GALNT13: variants seen among roughly 807,000 people sequenced by gnomAD.
The protein encoded by GALNT13 is polypeptide N-acetylgalactosaminyltransferase 13, also known as UDP-GalNAc:polypeptide N-acetylgalactosaminyltransferase 13.
In GALNT13, 28 loss-of-function variants were observed where a neutral mutation model predicts 64.2. That is an observed-to-expected ratio of 0.44 (90% CI 0.32 to 0.60). The LOEUF is 0.60. GALNT13 is among the 20% of genes least tolerant of loss of function. The pLI is 0.05. For synonymous variants in GALNT13, 214 were observed against 224.6 expected (o/e 0.95, Z 0.42); for missense variants, 577 against 669.8 (o/e 0.86, Z 1.53).
chr2:153,604,378 GTCTC>G, the GALNT13 span, among the ~76,000 whole-genome samples: 1 of 152,018 alleles, frequency 6.6e-6, no homozygotes, highest in African/African-American at 2.4e-5. Context: ...GCCAATCTCT[GTCTC>G]TCTGTCTCTG....
the GALNT13 span, chr2:153,370,983 G>A: frequency 3.9e-3 from 847 of 215,588 alleles, 7 homozygotes; most frequent in African/African-American, 0.018. Flanking sequence ...CCTTGATCAG[G>A]CCTGATGGAG....
At chr2:153,348,804 T>C in the GALNT13 span, among the ~76,000 whole-genome samples, 2 of 152,100 alleles carry the variant, frequency 1.3e-5, no homozygotes, top group African/African-American at 4.8e-5. Context: ...GCTAAAAGCA[T>C]TGGGATTTAA....
At chr2:153,835,978 T>A in the GALNT13 span, among the ~76,000 whole-genome samples, 1 of 152,024 alleles carries the variant, frequency 6.6e-6, no homozygotes, top group Non-Finnish European at 1.5e-5. Context: ...GAGTTTGCCT[T>A]AATGTGCTCT....
chr2:154,075,036 G>C (rs185430419), intron 3 of GALNT13, among the ~76,000 whole-genome samples: 30 of 151,892 alleles, frequency 2.0e-4, no homozygotes, highest in Admixed American at 4.6e-4. Context: ...CATAGTACTG[G>C]AGATCCTAGC....
At chr2:154,246,079 C>T in intron 7 of GALNT13, 97 bp downstream of exon 7, 1 of 752,624 alleles carries the variant, frequency 1.3e-6, no homozygotes, top group Non-Finnish European at 2.1e-6. Flanking sequence ...TTAATTGTAT[C>T]CTTATTATTC....
intron 5 of GALNT13, 63 bp downstream of exon 5, chr2:154,242,259 A>G (rs930783893): frequency 9.7e-6 from 14 of 1,445,944 alleles, no homozygotes; most frequent in Non-Finnish European, 1.2e-5. Flanking sequence ...GTTTTTTTGT[A>G]TTAGAAAGCT....
chr2:154,083,921 A>C (rs1213376666), intron 3 of GALNT13, among the ~76,000 whole-genome samples: 2 of 151,878 alleles, frequency 1.3e-5, no homozygotes, highest in African/African-American at 4.8e-5. Flanking sequence ...ATGAGTAACA[A>C]CTGTCATGAA....
At chr2:153,734,288 T>C in the GALNT13 span, among the ~76,000 whole-genome samples, 4 of 152,286 alleles carry the variant, frequency 2.6e-5, no homozygotes, top group South Asian at 8.3e-4. Flanking sequence ...TTTTCTCTCA[T>C]GTGTGAACTC....
chr2:154,287,180 C>A, intron 8 of GALNT13: 1 of 1,483,704 alleles, frequency 6.7e-7, no homozygotes, highest in Non-Finnish European at 9.3e-7. Flanking sequence ...ATTGGCTCAG[C>A]AGGAAGCAGA....
At chr2:153,391,185 G>T in the GALNT13 span, among the ~76,000 whole-genome samples, 1 of 152,054 alleles carries the variant, frequency 6.6e-6, no homozygotes, top group African/African-American at 2.4e-5. Flanking sequence ...ATGAGAGGTT[G>T]TTGGAAGGTT....
intron 9 of GALNT13, among the ~76,000 whole-genome samples, chr2:154,309,914 C>T (rs920660177): frequency 6.6e-6 from 1 of 152,156 alleles, no homozygotes; most frequent in Non-Finnish European, 1.5e-5. Context: ...GCCAAAAAGG[C>T]CCTGTGAGAT....
chr2:153,532,483 C>G, the GALNT13 span, among the ~76,000 whole-genome samples: 637 of 152,206 alleles, frequency 4.2e-3, 6 homozygotes, highest in African/African-American at 0.015. Flanking sequence ...CTCTGAAATG[C>G]CTTGAAGGCC....
At chr2:153,993,005 A>C (rs372440129) in intron 3 of GALNT13, among the ~76,000 whole-genome samples, 1 of 152,202 alleles carries the variant, frequency 6.6e-6, no homozygotes, top group African/African-American at 2.4e-5. Context: ...GTGAAATTAG[A>C]CATGATAGAC....
chr2:153,877,553 C>G (rs1686467381), intron 1 of GALNT13, among the ~76,000 whole-genome samples: 1 of 152,106 alleles, frequency 6.6e-6, no homozygotes, highest in Admixed American at 6.5e-5. Context: ...AGCAAAGCAC[C>G]TCTTTTTTGT....
At chr2:154,240,385 A>C (rs1689417162) in intron 4 of GALNT13, among the ~76,000 whole-genome samples, 1 of 152,224 alleles carries the variant, frequency 6.6e-6, no homozygotes, top group Non-Finnish European at 1.5e-5. Flanking sequence ...CTTACTAATC[A>C]GTGTGCTCTG....
chr2:153,092,899 G>A, the GALNT13 span, among the ~76,000 whole-genome samples: 98 of 151,830 alleles, frequency 6.5e-4, no homozygotes, highest in African/African-American at 2.3e-3. Context: ...TTGAATAACA[G>A]TGGTGACAGT....
At chr2:153,254,258 A>C in the GALNT13 span, among the ~76,000 whole-genome samples, 3 of 152,098 alleles carry the variant, frequency 2.0e-5, no homozygotes, top group East Asian at 5.8e-4. Context: ...ATTTGCGTAG[A>C]GGTATTTGTA....
At chr2:154,313,421 TA>T (rs1694157733) in intron 9 of GALNT13, among the ~76,000 whole-genome samples, 1 of 84,500 alleles carries the variant, frequency 1.2e-5, no homozygotes, top group Non-Finnish European at 2.5e-5. Flanking sequence ...AGTAGAGATA[TA>T]TATATATATA....
intron 4 of GALNT13, among the ~76,000 whole-genome samples, chr2:154,178,568 A>C: frequency 6.6e-6 from 1 of 151,610 alleles, no homozygotes; most frequent in African/African-American, 2.4e-5. Context: ...AAGTATAATT[A>C]AAAATAATAA....
Sources: allele counts gnomAD v4.1 joint callset (sites outside exome capture counted in the v4.1 genomes callset), GRCh38; gene constraint gnomAD v4.1.1; transcripts MANE v1.5; gene names NCBI Gene and HGNC (gene_info 2026-07-23, HGNC 2026-07-21).